ZNF226: variants seen among roughly 807,000 people sequenced by gnomAD.
The protein encoded by ZNF226 is zinc finger protein 226, also known as Kruppel-associated box protein.
In ZNF226, 6 loss-of-function variants were observed where a neutral mutation model predicts 11.4. The ratio of observed to expected loss-of-function variants is 0.53; its 90% confidence interval spans 0.29 to 1.04. ZNF226 has a LOEUF of 1.04. Ranked by LOEUF, ZNF226 falls within the 50% of genes least tolerant of loss-of-function variation. The pLI is 0.08. For missense variants in ZNF226, 1,058 were observed against 956.5 expected (o/e 1.11, Z -1.40); for synonymous variants, 350 against 322.8 (o/e 1.08, Z -0.90).
Position 44,176,107 on chromosome 19 carries a change from G to A in ZNF226, c.845G>A (p.Cys282Tyr). The A allele has an allele frequency of 1.9e-6, 3 of 1,614,148 alleles. No individual in the cohort carries two copies. Among genetic ancestry groups the A allele is most frequent in the Non-Finnish European group, 2.5e-6 (3 of 1,180,012 alleles). The change falls in exon 6 of 6, where the codon TGT (cysteine) becomes TAT (tyrosine). Residue 282 changes from cysteine (C) to tyrosine (Y), a missense_variant. Coordinates refer to ENST00000337433, the MANE Select transcript of ZNF226 (RefSeq NM_001032373.2). ...CAATCAGGAGAGAAGTCTCTTACATGTGTTGAGCGTGGAAAAGGCTTCTGT... is the reference window on the plus strand; with the variant it reads ...CAATCAGGAGAGAAGTCTCTTACATATGTTGAGCGTGGAAAAGGCTTCTGT... ...QLQSGEKSLT[C>Y]VERGKGFCYS...
At chr19:44,193,700 G>A in the ZNF226 span, among the ~76,000 whole-genome samples, 7 of 152,148 alleles carry the variant, frequency 4.6e-5, no homozygotes, top group Middle Eastern at 6.8e-3. Flanking sequence ...GATTCAGAGC[G>A]AGCAGAGAAA....
At chr19:44,173,164 A>C in intron 5 of ZNF226, 1 of 573,864 alleles carries the variant, frequency 1.7e-6, no homozygotes, top group Non-Finnish European at 3.1e-6. Flanking sequence ...GTGTCAGACT[A>C]TGTTGTTCTT....
At chr19:44,171,069 A>G (rs1352646728) in intron 3 of ZNF226, among the ~76,000 whole-genome samples, 1 of 152,182 alleles carries the variant, frequency 6.6e-6, no homozygotes, top group South Asian at 2.1e-4. Context: ...TATCAAATTT[A>G]TGTATCCAGT....
the ZNF226 span, among the ~76,000 whole-genome samples, chr19:44,195,663 T>C: frequency 6.3e-3 from 952 of 152,314 alleles, 6 homozygotes; most frequent in Admixed American, 0.012. Flanking sequence ...TTAACCAAAG[T>C]ATTTTTGTAT....
chr19:44,184,684 A>G, the ZNF226 span, among the ~76,000 whole-genome samples: 1 of 152,192 alleles, frequency 6.6e-6, no homozygotes, highest in Non-Finnish European at 1.5e-5. Flanking sequence ...TAAAACCACC[A>G]GGGAAGAGAC....
chr19:44,171,632 C>G (rs543947742), intron 3 of ZNF226, among the ~76,000 whole-genome samples: 1 of 152,102 alleles, frequency 6.6e-6, no homozygotes, highest in Non-Finnish European at 1.5e-5. Flanking sequence ...ACTAAAGATC[C>G]GGGATCAGTG....
chr19:44,188,423 T>C, the ZNF226 span, among the ~76,000 whole-genome samples: 3 of 152,222 alleles, frequency 2.0e-5, no homozygotes, highest in East Asian at 5.8e-4. Flanking sequence ...GTACTGAATA[T>C]GTACCAACTT....
At chr19:44,170,910 CAA>C (rs58130876) in intron 3 of ZNF226, among the ~76,000 whole-genome samples, 25 of 85,776 alleles carry the variant, frequency 2.9e-4, no homozygotes, top group African/African-American at 6.9e-4. Flanking sequence ...GACTCTGTCT[CAA>C]AAAAAAAAAA....
the ZNF226 span, among the ~76,000 whole-genome samples, chr19:44,184,098 G>C: frequency 6.6e-6 from 1 of 152,192 alleles, no homozygotes; most frequent in Non-Finnish European, 1.5e-5. Flanking sequence ...AGGCCACAGA[G>C]ATCATGTGAT....
At chr19:44,195,058 T>A in the ZNF226 span, among the ~76,000 whole-genome samples, 2,287 of 152,164 alleles carry the variant, frequency 0.015, 55 homozygotes, top group African/African-American at 0.053. Flanking sequence ...GCAAATTCAG[T>A]AGAAAATACA....
rs773388956 is a variant in ZNF226 at position 44,175,837 on chromosome 19, T to TA, written c.581dup (p.Asn194LysfsTer2). 18 of 1,613,400 alleles carry TA rather than the reference T, an allele frequency of 1.1e-5. No homozygotes were observed. Among genetic ancestry groups the TA allele is most frequent in the Non-Finnish European group, 5.1e-6 (6 of 1,179,764 alleles). On this transcript the variant is annotated frameshift_variant, in exon 6 of 6. Transcript: ENST00000337433. LOFTEE classifies it low-confidence loss of function (END_TRUNC). ...TTGAACAGAGATCAGCAAATTTCCA[T>TA]AAAAAATAAATTATGTCAATGTAAG...
intron 4 of ZNF226, 169 bp from the exon 5 acceptor site, chr19:44,172,690 GT>G: frequency 1.7e-6 from 1 of 604,748 alleles, no homozygotes; most frequent in Non-Finnish European, 2.9e-6. Context: ...ATTTACGCAT[GT>G]GTGTCTGGGT....
the ZNF226 span, among the ~76,000 whole-genome samples, chr19:44,190,574 A>C: frequency 3.5e-4 from 54 of 152,142 alleles, no homozygotes; most frequent in African/African-American, 9.9e-4. Flanking sequence ...TGACCTCTTG[A>C]TCCGCCCGCC....
chr19:44,165,989 C>T (rs1007681358), intron 2 of ZNF226, among the ~76,000 whole-genome samples, 182 bp downstream of exon 2: 2 of 152,162 alleles, frequency 1.3e-5, no homozygotes, highest in South Asian at 2.1e-4. Flanking sequence ...TACTCTTTTT[C>T]CGAGGAGACT....
At chr19:44,168,836 C>G (rs1053478101) in intron 2 of ZNF226, among the ~76,000 whole-genome samples, 2 of 151,988 alleles carry the variant, frequency 1.3e-5, no homozygotes, top group Non-Finnish European at 2.9e-5. Flanking sequence ...TATTCCTCAC[C>G]AAACTCACCA....
At chr19:44,190,400 C>G in the ZNF226 span, among the ~76,000 whole-genome samples, 1 of 152,058 alleles carries the variant, frequency 6.6e-6, no homozygotes, top group East Asian at 1.9e-4. Flanking sequence ...GTGGCGCGAT[C>G]TCGGCTCACT....
intron 3 of ZNF226, 124 bp from the exon 4 acceptor site, chr19:44,171,963 CA>C: frequency 3.8e-6 from 5 of 1,320,904 alleles, no homozygotes; most frequent in Admixed American, 1.9e-5. Flanking sequence ...ATTGGCAAGA[CA>C]GGAGAAGGGC....
chr19:44,179,630 G>T (rs1970876482), downstream of ZNF226, among the ~76,000 whole-genome samples: 1 of 152,142 alleles, frequency 6.6e-6, no homozygotes, highest in African/African-American at 2.4e-5. Flanking sequence ...TAGTAGGAAT[G>T]CTTCTTAATT....
Position 44,176,420 on chromosome 19 carries a change from T to C in ZNF226, c.1158T>C (p.Thr386=), listed in dbSNP as rs1028986938. The part of the protein sequence containing the change: ...SHLQDHQRLH[T]GEKPFKCDAC... ...TTCAGGACCATCAGAGACTCCACAC[T>C]GGGGAGAAGCCATTCAAATGTGATG... Residue 386 remains threonine, a synonymous_variant, in exon 6 of 6, where the codon ACT becomes ACC. Coordinates refer to ENST00000337433, the MANE Select transcript of ZNF226 (RefSeq NM_001032373.2). The C allele has an allele frequency of 6.2e-7, 1 of 1,613,938 alleles. No homozygotes were observed. The highest frequency in any genetic ancestry group is 2.2e-5 in the East Asian group (1 of 44,858).
Sources: gnomAD v4.1 joint callset for allele counts (sites outside exome capture counted in the v4.1 genomes callset) on GRCh38, gnomAD v4.1.1 for gene constraint, MANE v1.5 for transcripts, NCBI Gene and HGNC (gene_info 2026-07-23, HGNC 2026-07-21) for gene names.